The following EPB41L3 variants were observed in gnomAD, a reference collection of about 807,000 sequenced individuals.
EPB41L3 encodes the protein band 4.1-like protein 3.
EPB41L3 carries 57 observed loss-of-function variants against 127.1 expected under a neutral mutation model. The ratio of observed to expected loss-of-function variants is 0.45; its 90% CI spans 0.36 to 0.56. The LOEUF (loss-of-function observed/expected upper bound fraction) is 0.56. Among genes scored for constraint, EPB41L3 ranks in the 20% least tolerant of loss-of-function variants. EPB41L3 has a pLI of 0.00. For missense variants in EPB41L3, 1,273 were observed against 1,372.2 expected (o/e 0.93, Z 1.14); for synonymous variants, 572 against 549.5 (o/e 1.04, Z -0.57).
chr18:5,400,054 G>A (rs968119670), intron 16 of EPB41L3: 2 of 155,862 alleles, frequency 1.3e-5, no homozygotes, highest in South Asian at 4.0e-4. Context: ...TGTTGCCCAG[G>A]TCGGCCTCGA....
chr18:5,607,460 A>G (rs530565295), intron 3 of EPB41L3, among the ~76,000 whole-genome samples: 1 of 152,280 alleles, frequency 6.6e-6, no homozygotes, highest in East Asian at 1.9e-4. Context: ...TCTGCTTTTC[A>G]TGTCCCTCTG....
At chr18:5,547,215 C>T (rs1376381351), upstream of EPB41L3, among the ~76,000 whole-genome samples, 1 of 152,168 alleles carries the variant, frequency 6.6e-6, no homozygotes, top group Non-Finnish European at 1.5e-5. Flanking sequence ...AACTTCTCTC[C>T]TTTTCCCTCT....
At position 5,421,612 on chromosome 18, in the gene EPB41L3, T is replaced by C. The variant is rs181148230; in HGVS notation, c.1340-1735A>G. ...AATTATGAATATAAAATGTGGTATA[T>C]ATACATCATGGAATACTACTCAGTC... On this transcript the variant is annotated intron_variant, in intron 11 of 22. Coordinates refer to ENST00000341928, the MANE Select transcript of EPB41L3 (RefSeq NM_012307.5). Among the ~76,000 whole-genome samples the C allele has an allele frequency of 3.0e-4, 46 of 152,312 alleles. 1 individual carries two copies. Among genetic ancestry groups the C allele is most frequent in the Admixed American group, 7.8e-4 (12 of 15,292 alleles).
intron 3 of EPB41L3, among the ~76,000 whole-genome samples, chr18:5,468,295 G>T (rs563343942): frequency 6.6e-6 from 1 of 152,252 alleles, no homozygotes; most frequent in South Asian, 2.1e-4. Context: ...CTGGCAGAAA[G>T]GGGTGGGTCC....
At chr18:5,618,669 T>C (rs1178212170) in intron 1 of EPB41L3, among the ~76,000 whole-genome samples, 1 of 152,190 alleles carries the variant, frequency 6.6e-6, no homozygotes, top group East Asian at 1.9e-4. Context: ...TCAATGTGTA[T>C]CTTTGTGAAC....
intron 2 of EPB41L3, among the ~76,000 whole-genome samples, chr18:5,481,232 T>A (rs1335507409): frequency 1.3e-5 from 2 of 152,074 alleles, no homozygotes; most frequent in African/African-American, 4.8e-5. Context: ...CAAGCTGGTT[T>A]CCCTCCTCCC....
At chr18:5,556,115 T>G (rs1327517304) in intron 3 of EPB41L3, among the ~76,000 whole-genome samples, 1 of 152,166 alleles carries the variant, frequency 6.6e-6, no homozygotes, top group Non-Finnish European at 1.5e-5. Flanking sequence ...TAAGAGACGC[T>G]CAGTGAATAT....
In EPB41L3 at chr18:5,488,558, T is replaced by TATA. The variant is rs377343121; in HGVS notation, c.183+440_183+442dup. 5.0e-3 allele frequency among the ~76,000 whole-genome samples: 742 copies of TATA among 147,620 alleles called. 2 individuals carry two copies. Among genetic ancestry groups the TATA allele is most frequent in the Non-Finnish European group, 7.5e-3 (509 of 67,466 alleles). On this transcript the variant is annotated intron_variant, in intron 2 of 22. Transcript: ENST00000341928. ...TGCACATGTGTCCCAGAGCTTAAAG[T>TATA]ATAATAATAATGATGATGATGATGA... is the stretch of plus-strand genomic sequence containing the variant.
intron 1 of EPB41L3, among the ~76,000 whole-genome samples, chr18:5,501,246 T>C (rs1479545511): frequency 1.3e-5 from 2 of 151,690 alleles, no homozygotes; most frequent in Non-Finnish European, 2.9e-5. Context: ...CAAGTAACCA[T>C]TATCAGCAGA....
At chr18:5,608,700 T>G (rs1398829376) in intron 3 of EPB41L3, among the ~76,000 whole-genome samples, 1 of 152,112 alleles carries the variant, frequency 6.6e-6, no homozygotes, top group Admixed American at 6.5e-5. Context: ...TTTTTCAGGG[T>G]AAATATCCAG....
At chr18:5,607,660 A>G (rs575434029) in intron 3 of EPB41L3, among the ~76,000 whole-genome samples, 3 of 152,316 alleles carry the variant, frequency 2.0e-5, no homozygotes, top group Admixed American at 6.5e-5. Context: ...TTTTACTCCT[A>G]GGTTACCATC....
chr18:5,451,799 A>G (rs371634224), intron 3 of EPB41L3, among the ~76,000 whole-genome samples: 37 of 152,286 alleles, frequency 2.4e-4, no homozygotes, highest in African/African-American at 8.9e-4. Context: ...CCCCTATCTC[A>G]GGTCAATTAA....
At chr18:5,497,895 T>C (rs6506308) in intron 1 of EPB41L3, among the ~76,000 whole-genome samples, 43,015 of 152,138 alleles carry the variant, frequency 0.28, 7,406 homozygotes, top group African/African-American at 0.48. Context: ...ATGACATCTG[T>C]ACTTACACAT....
At chr18:5,581,661 A>G (rs781170664) in intron 3 of EPB41L3, among the ~76,000 whole-genome samples, 7 of 152,326 alleles carry the variant, frequency 4.6e-5, no homozygotes, top group Non-Finnish European at 8.8e-5. Flanking sequence ...GCCTTATTCC[A>G]TCAAACATAG....
chr18:5,560,994 T>G (rs892924885), intron 3 of EPB41L3, among the ~76,000 whole-genome samples: 1 of 108,800 alleles, frequency 9.2e-6, no homozygotes, highest in African/African-American at 3.1e-5. Context: ...TTTATTTATT[T>G]TGAGATGGAG....
intron 1 of EPB41L3, among the ~76,000 whole-genome samples, chr18:5,518,821 G>T (rs1276758701): frequency 6.6e-6 from 1 of 152,112 alleles, no homozygotes; most frequent in African/African-American, 2.4e-5. Context: ...TTAAGAATGG[G>T]ACCGCAATGA....
Position 5,445,133 on chromosome 18 carries a change from C to T in EPB41L3, c.486+7G>A. On this transcript the variant is annotated splice_region_variant and intron_variant, in intron 4 of 22. Coordinates refer to ENST00000341928, the MANE Select transcript of EPB41L3 (RefSeq NM_012307.5). ...CATCTTATTTTGCATTGCTTTTGATCACTCACCTTCTGGTTTTCAGCATCT... is the reference window on the plus strand; with the variant it reads ...CATCTTATTTTGCATTGCTTTTGATTACTCACCTTCTGGTTTTCAGCATCT... The T allele has an allele frequency of 6.2e-7, 1 of 1,610,800 alleles. No homozygotes were observed. The highest frequency in any genetic ancestry group is 1.1e-5 in the South Asian group (1 of 90,944).
At chr18:5,441,376 C>T (rs1435026792) in intron 5 of EPB41L3, among the ~76,000 whole-genome samples, 1 of 151,946 alleles carries the variant, frequency 6.6e-6, no homozygotes, top group African/African-American at 2.4e-5. Flanking sequence ...ACTTCTCTGC[C>T]TTGGTTGAAT....
intron 3 of EPB41L3, among the ~76,000 whole-genome samples, chr18:5,454,748 G>C (rs1012535124): frequency 7.2e-5 from 11 of 152,132 alleles, no homozygotes; most frequent in Non-Finnish European, 2.9e-5. Context: ...TAATGATCTG[G>C]AGCCTTCTGT....
Sources: allele counts gnomAD v4.1 joint callset (sites outside exome capture counted in the v4.1 genomes callset), GRCh38; gene constraint gnomAD v4.1.1; transcripts MANE v1.5; gene names NCBI Gene and HGNC (gene_info 2026-07-23, HGNC 2026-07-21).